The following NRG1 variants were observed in gnomAD, a reference collection of about 807,000 sequenced individuals.
NRG1 encodes pro-neuregulin-1, membrane-bound isoform.
NRG1 carries 18 observed loss-of-function variants against 63.8 expected under a neutral mutation model. The observed-to-expected ratio is 0.28, with a 90% CI of 0.19 to 0.42. The LOEUF (loss-of-function observed/expected upper bound fraction) is 0.42, where lower values mean the gene tolerates loss of function less well. Ranked by LOEUF, NRG1 falls within the 10% of genes least tolerant of loss-of-function variation. The pLI is 1.00. For synonymous variants in NRG1, 302 were observed against 301.3 expected (o/e 1.00, Z -0.02); for missense variants, 762 against 814.7 (o/e 0.94, Z 0.79).
At chr8:32,040,397 A>G (rs1293433640) in intron 1 of NRG1, among the ~76,000 whole-genome samples, 1 of 152,092 alleles carries the variant, frequency 6.6e-6, no homozygotes, top group African/African-American at 2.4e-5. Context: ...AAAAAGTCAA[A>G]TGTTGCCAAC....
At chr8:32,608,097 TTTTTTTTTTG>T (rs1472374349) in intron 3 of NRG1, among the ~76,000 whole-genome samples, 2 of 123,402 alleles carry the variant, frequency 1.6e-5, no homozygotes, top group African/African-American at 6.8e-5. Context: ...TTTTTGTTTT[TTTTTTTTTTG>T]TTTTTTTTTT....
chr8:31,648,972 T>A (rs1804578420), intron 1 of NRG1, among the ~76,000 whole-genome samples: 1 of 151,790 alleles, frequency 6.6e-6, no homozygotes, highest in South Asian at 2.1e-4. Flanking sequence ...CTTTTTTTTT[T>A]TTTTGAGATG....
intron 1 of NRG1, among the ~76,000 whole-genome samples, chr8:32,150,741 A>G (rs539591987): frequency 2.6e-4 from 40 of 152,170 alleles, no homozygotes; most frequent in Non-Finnish European, 1.3e-4. Context: ...CTTTGAGGCT[A>G]TAAAGGACCT....
intron 5 of NRG1, among the ~76,000 whole-genome samples, chr8:32,689,375 A>G (rs1197706208): frequency 6.6e-6 from 1 of 152,042 alleles, no homozygotes; most frequent in African/African-American, 2.4e-5. Flanking sequence ...TTTCTTTCTT[A>G]ATATTTGAAA....
At chr8:32,401,724 G>A (rs541359234) in intron 1 of NRG1, among the ~76,000 whole-genome samples, 1 of 152,020 alleles carries the variant, frequency 6.6e-6, no homozygotes, top group South Asian at 2.1e-4. Flanking sequence ...ACAGACACTG[G>A]GGTCTGCTGA....
At chr8:31,956,481 A>G (rs796952369) in intron 1 of NRG1, among the ~76,000 whole-genome samples, 3 of 152,068 alleles carry the variant, frequency 2.0e-5, no homozygotes, top group Non-Finnish European at 4.4e-5. Context: ...TTAGCCAGGC[A>G]TTGTGGCGGG....
intron 1 of NRG1, among the ~76,000 whole-genome samples, chr8:32,296,138 T>C (rs1854838728): frequency 6.6e-6 from 1 of 152,038 alleles, no homozygotes; most frequent in African/African-American, 2.4e-5. Flanking sequence ...CATGTGCACA[T>C]TTTCTGGCTG....
intron 1 of NRG1, among the ~76,000 whole-genome samples, chr8:31,975,290 G>A (rs1226312220): frequency 6.6e-6 from 1 of 152,074 alleles, no homozygotes; most frequent in African/African-American, 2.4e-5. Flanking sequence ...TCAGATCCCC[G>A]TGTCTCCAAA....
chr8:32,148,985 A>G (rs1402626522), intron 1 of NRG1, among the ~76,000 whole-genome samples: 1 of 152,174 alleles, frequency 6.6e-6, no homozygotes, highest in Non-Finnish European at 1.5e-5. Context: ...GTGCTGCAGG[A>G]ACGTAATTAA....
At chr8:32,477,067 A>G (rs1315905859) in intron 1 of NRG1, among the ~76,000 whole-genome samples, 1 of 152,244 alleles carries the variant, frequency 6.6e-6, no homozygotes, top group African/African-American at 2.4e-5. Flanking sequence ...TGTGAATACA[A>G]TTCCAGGGGA....
chr8:32,453,380 C>G (rs1318743669), intron 1 of NRG1, among the ~76,000 whole-genome samples: 1 of 152,174 alleles, frequency 6.6e-6, no homozygotes, highest in African/African-American at 2.4e-5. Context: ...AAATCATGTT[C>G]ATTATTTCTG....
intron 1 of NRG1, among the ~76,000 whole-genome samples, chr8:31,874,554 A>G (rs755425368): frequency 6.6e-6 from 1 of 152,222 alleles, no homozygotes; most frequent in Non-Finnish European, 1.5e-5. Flanking sequence ...CACATCATGG[A>G]GAATGAGGTC....
At chr8:32,503,288 GAAAAAA>G (rs60857610) in intron 1 of NRG1, among the ~76,000 whole-genome samples, 42 of 54,840 alleles carry the variant, frequency 7.7e-4, no homozygotes, top group Middle Eastern at 0.026. Context: ...CTCTGTCTCA[GAAAAAA>G]AAAAAAAAAA....
chr8:32,081,245 CAAATG>C (rs763212643), intron 1 of NRG1, among the ~76,000 whole-genome samples: 131 of 152,250 alleles, frequency 8.6e-4, no homozygotes, highest in Middle Eastern at 3.4e-3. Flanking sequence ...TCTTAATCTC[CAAATG>C]TGGTCACATT....
chr8:31,698,112 G>A (rs1243467497), intron 1 of NRG1, among the ~76,000 whole-genome samples: 1 of 151,874 alleles, frequency 6.6e-6, no homozygotes, highest in African/African-American at 2.4e-5. Flanking sequence ...CAGTGCTTTG[G>A]GTCGACCAAT....
chr8:32,445,711 C>T (rs1418075210), intron 1 of NRG1, among the ~76,000 whole-genome samples: 1 of 152,118 alleles, frequency 6.6e-6, no homozygotes, highest in Non-Finnish European at 1.5e-5. Context: ...CTTCTTATGA[C>T]AGCCAGAATT....
intron 1 of NRG1, among the ~76,000 whole-genome samples, chr8:32,121,683 C>T (rs1313681341): frequency 2.0e-5 from 3 of 151,530 alleles, no homozygotes; most frequent in East Asian, 1.9e-4. Flanking sequence ...ATTTTGAGAC[C>T]GTAATAAGAA....
At chr8:32,707,017 A>G (rs1410440123) in intron 5 of NRG1, among the ~76,000 whole-genome samples, 1 of 152,058 alleles carries the variant, frequency 6.6e-6, no homozygotes, top group African/African-American at 2.4e-5. Flanking sequence ...TTTTAATTCC[A>G]TTATCATCTG....
At chr8:32,604,963 G>A (rs1845018626) in intron 2 of NRG1, among the ~76,000 whole-genome samples, 1 of 152,030 alleles carries the variant, frequency 6.6e-6, no homozygotes. Flanking sequence ...CCAGTATTAA[G>A]AACCTTTCAT....
Sources: gnomAD v4.1 joint callset for allele counts (sites outside exome capture counted in the v4.1 genomes callset) on GRCh38, gnomAD v4.1.1 for gene constraint, MANE v1.5 for transcripts, NCBI Gene and HGNC (gene_info 2026-07-23, HGNC 2026-07-21) for gene names.